Variants in BAG6 observed in about 807,000 individuals in gnomAD.
The protein encoded by BAG6 is large proline-rich protein BAG6.
BAG6 carries 22 observed loss-of-function variants against 121.0 expected under a neutral mutation model. The observed-to-expected ratio is 0.18, with a 90% CI of 0.13 to 0.26. BAG6 has a LOEUF of 0.26. BAG6 is among the 10% of genes least tolerant of loss of function. The pLI, the probability that BAG6 is intolerant of heterozygous loss-of-function variation, is 1.00. For missense variants in BAG6, 1,233 were observed against 1,537.7 expected, an observed-to-expected ratio of 0.80 and a Z score of 3.31; for synonymous variants, 583 against 584.6, an observed-to-expected ratio of 1.00 and a Z score of 0.04.
rs763111364 is a variant in BAG6, at chr6:31,641,167, G to C, written c.2724C>G (p.Ala908=). Residue 908 remains alanine (A), a synonymous_variant, in exon 20 of 26, where the codon GCC becomes GCG. Transcript: ENST00000676615. This position sits in a 1 kb window ranked among gnomAD's most constrained non-coding sequence, Gnocchi z 5.7. ...GTCCCCCCAAGCAGTGCAGGTTTAG[G>C]GCCAGGCATTCAAACAGGCCTTGGT... ...LCNQGLFECL[A]LNLHCLGGQQ... 7 of 1,613,464 alleles carry C rather than the reference G, an allele frequency of 4.3e-6. No homozygotes were observed. The highest frequency in any genetic ancestry group is 5.9e-6 in the Non-Finnish European group (7 of 1,180,036).
In BAG6 at chr6:31,645,463, G is replaced by C. The variant is rs1329235757; in HGVS notation, c.1060C>G (p.Pro354Ala). ...ATGGGGGTGGTGTAGTGAGACATAGGCCGGACCACATGCAGGTGTCGTGGG... is the reference window on the plus strand; with the variant it reads ...ATGGGGGTGGTGTAGTGAGACATAGCCCGGACCACATGCAGGTGTCGTGGG... Reference protein sequence around the residue: ...TPPRHLHVVRPMSHYTTPMVL... With the variant: ...TPPRHLHVVRAMSHYTTPMVL... The change falls in exon 9 of 26, where the codon CCT (proline) becomes GCT (alanine). Residue 354 changes from proline (P) to alanine (A), a missense_variant. By Grantham distance (27) the Pro-to-Ala change is conservative. Transcript: ENST00000676615. The C allele has an allele frequency of 6.2e-7, 1 of 1,613,070 alleles. No homozygotes were observed. The highest frequency in any genetic ancestry group is 8.5e-7 in the Non-Finnish European group (1 of 1,180,012).
intron 14 of BAG6, 151 bp downstream of exon 14, chr6:31,643,739 A>AAAAAAAAAGC (rs1785477308): frequency 1.8e-6 from 1 of 547,778 alleles, no homozygotes; most frequent in African/African-American, 2.0e-5. Flanking sequence ...AAAAAAAAAA[A>AAAAAAAAAGC]AAAAAAAGCT....
intron 25 of BAG6, 117 bp downstream of exon 25, chr6:31,639,383 G>A: frequency 6.6e-7 from 1 of 1,512,446 alleles, no homozygotes; most frequent in Non-Finnish European, 9.0e-7. Flanking sequence ...AGATGCCAAA[G>A]GGGAAAACAA....
At chr6:31,646,657 G>A (rs1196071666) in intron 7 of BAG6, 134 bp from the exon 8 acceptor site, 28 of 1,168,660 alleles carry the variant, frequency 2.4e-5, no homozygotes, top group Non-Finnish European at 3.2e-5. Flanking sequence ...TGGACCAGCA[G>A]AGCTTCTATT....
chr6:31,639,623 C>G lies in BAG6; in HGVS notation c.3270G>C (p.Gln1090His). The stretch of plus-strand genomic sequence containing the variant: ...GGCTCACAGCCTCTGAGAGAAGCAG[C>G]TGGGGGCCCTCACCCTGCATCGTCT... ...RRKTMQGEGP[Q>H]LLLSEAVSRA... The change falls in exon 25 of 26, where the codon CAG becomes CAC. Residue 1090 changes from glutamine (Q) to histidine (H), a missense_variant. Physicochemically the swap from Gln to His is conservative, Grantham distance 24 (BLOSUM62 0). Transcript: ENST00000676615. The G allele has an allele frequency of 6.2e-7, 1 of 1,612,768 alleles. No homozygotes were observed. The highest frequency in any genetic ancestry group is 8.5e-7 in the Non-Finnish European group (1 of 1,179,216).
intron 6 of BAG6, 105 bp downstream of exon 6, chr6:31,648,572 G>C (rs746486959): frequency 2.9e-4 from 321 of 1,116,496 alleles, no homozygotes; most frequent in Non-Finnish European, 4.0e-4. Flanking sequence ...ACTAGATTAT[G>C]AAGGCCAAAC....
chr6:31,648,587 T>A (rs1192178776), intron 6 of BAG6, 90 bp downstream of exon 6: 1 of 1,277,402 alleles, frequency 7.8e-7, no homozygotes, highest in African/African-American at 1.5e-5. Context: ...CCAAACCCTG[T>A]GGATGTGGCC....
intron 1 of BAG6, 82 bp from the exon 2 acceptor site, chr6:31,651,858 C>T: frequency 1.0e-6 from 1 of 999,638 alleles, no homozygotes; most frequent in African/African-American, 1.6e-5. Flanking sequence ...TAATCCCTGC[C>T]CCAATACCTA....
At position 31,645,089 on chromosome 6, in the gene BAG6, G is replaced by A. The variant is rs561654276; in HGVS notation, c.1226C>T (p.Pro409Leu). The change falls in exon 10 of 26, where the codon CCG becomes CTG. Residue 409 changes from proline (P) to leucine (L), a missense_variant. Physicochemically the swap from Pro to Leu is moderately conservative, Grantham distance 98. Around this residue, in one of 7 missense-constraint regions of BAG6, gnomAD observed 777 missense variants for 861.4 expected, o/e 0.90. Coordinates refer to ENST00000676615, the MANE Select transcript of BAG6 (RefSeq NM_001387994.1). ...TGAGGACTCGACATTGGTAGAAGACGGAGCCACGGATGAGGCCTGCCCAGG... is the reference window on the plus strand; with the variant it reads ...TGAGGACTCGACATTGGTAGAAGACAGAGCCACGGATGAGGCCTGCCCAGG... Reference protein sequence around the residue: ...PGPGQASSVAPSSTNVESSAE... With the variant: ...PGPGQASSVALSSTNVESSAE... The A allele has an allele frequency of 2.5e-5, 41 of 1,613,000 alleles. No homozygotes were observed. Among genetic ancestry groups the A allele is most frequent in the South Asian group, 2.1e-4 (19 of 91,080 alleles).
Position 31,651,663 on chromosome 6 carries a change from C to T in BAG6, c.101G>A (p.Gly34Glu). The T allele has an allele frequency of 6.2e-7, 1 of 1,613,020 alleles. No homozygotes were observed. The highest frequency in any genetic ancestry group is 1.3e-5 in the African/African-American group (1 of 75,040). The change falls in exon 2 of 26, where the codon GGG becomes GAG. Residue 34 changes from glycine to glutamate, a missense_variant. Physicochemically the swap from Gly to Glu is moderately conservative, Grantham distance 98. Transcript: ENST00000676615. ...ACTAGTGAGGTGTCTCACCTGGGCC[C>T]CCACAATAAAGGTACGAGTTTGAGA... The part of the protein sequence containing the change: ...LDSQTRTFIV[G>E]AQMNVKEFKE...
Position 31,649,149 on chromosome 6 carries a change from C to T in BAG6, c.423+50G>A, listed in dbSNP as rs757444271. ...TATCTTATTAATTCCCTGGTGCTAC[C>T]ACAACCAAAGCTACCCACAAAAGCC... On this transcript the variant is annotated intron_variant, in intron 4 of 25. Coordinates refer to ENST00000676615, the MANE Select transcript of BAG6 (RefSeq NM_001387994.1). 18 of 1,604,802 alleles carry T rather than the reference C, an allele frequency of 1.1e-5. No individual in the cohort carries two copies. In the South Asian group the frequency reaches 1.9e-4, roughly 17 times the overall value.
Position 31,649,547 on chromosome 6 carries a change from T to C in BAG6, c.189A>G (p.Gly63=). 3 of 1,614,156 alleles carry C rather than the reference T, an allele frequency of 1.9e-6. No homozygotes were observed. The highest frequency in any genetic ancestry group is 2.5e-6 in the Non-Finnish European group (3 of 1,180,028). ...PSEKQRLIYQ[G]RVLQDDKKLQ... ...GCTTCTTATCATCTTGCAGAACTCG[T>C]CCCTGGTAAATGAGCCGTTGTTTTT... is the stretch of plus-strand genomic sequence containing the variant. The change falls in exon 3 of 26, where the codon GGA becomes GGG. Residue 63 remains glycine, a synonymous_variant. Coordinates refer to ENST00000676615, the MANE Select transcript of BAG6 (RefSeq NM_001387994.1).
chr6:31,647,456 C>G, intron 7 of BAG6, 135 bp downstream of exon 7: 1 of 1,322,282 alleles, frequency 7.6e-7, no homozygotes, highest in Non-Finnish European at 1.0e-6. Context: ...GAGAGAGCCC[C>G]TCCTCGCCCC....
rs116719690 is a variant in BAG6 at position 31,645,746 on chromosome 6, A to T, written c.919-142T>A. 9,005 of 940,118 alleles carry T rather than the reference A, an allele frequency of 9.6e-3. 423 individuals are homozygous for T. Among genetic ancestry groups the T allele is most frequent in the South Asian group, 0.092 (6,337 of 68,758 alleles). The allele number at this position is 940,118 out of a possible 1,614,324, so 58.2% of individuals were successfully genotyped here. On this transcript the variant is annotated intron_variant, in intron 8 of 25. Coordinates refer to ENST00000676615, the MANE Select transcript of BAG6 (RefSeq NM_001387994.1). ...TCCTTGGAAGTTTACATGTAGACCA[A>T]ATCTTTGCAAATAAATTATATCTTA...
chr6:31,644,406 G>T lies in BAG6; in HGVS notation c.1456C>A (p.Leu486Ile). 1 of 1,552,216 alleles carries T rather than the reference G, an allele frequency of 6.4e-7. No homozygotes were observed. Among genetic ancestry groups the T allele is most frequent in the South Asian group, 1.2e-5 (1 of 84,122 alleles). The part of the protein sequence containing the change: ...PGHGQTLGST[L>I]IQLPSLPPEF... Reference sequence around the variant, plus strand: ...GGGGGCAGGGAGGGCAGCTGGATGAGGGTGGAGCCTGGGGGGCGGGTCTGA... The same window carrying T: ...GGGGGCAGGGAGGGCAGCTGGATGATGGTGGAGCCTGGGGGGCGGGTCTGA... The change falls in exon 12 of 26, where the codon CTC becomes ATC. Residue 486 changes from leucine (L) to isoleucine (I), a missense_variant. Physicochemically the swap from Leu to Ile is conservative, Grantham distance 5. Transcript: ENST00000676615. This position sits in a 1 kb window ranked among gnomAD's most constrained non-coding sequence, Gnocchi z 4.9.
chr6:31,646,620 TC>T (rs1789621995), intron 7 of BAG6, 97 bp from the exon 8 acceptor site: 5 of 1,500,452 alleles, frequency 3.3e-6, no homozygotes, highest in Non-Finnish European at 3.6e-6. Flanking sequence ...CTCCCTGGTC[TC>T]CCAGAGCCCT....
chr6:31,646,323 T>C (rs1789150197), intron 8 of BAG6, 71 bp downstream of exon 8: 8 of 1,558,622 alleles, frequency 5.1e-6, no homozygotes, highest in Admixed American at 1.9e-5. Flanking sequence ...AAGAGTTATC[T>C]GCATTTCAGC....
intron 8 of BAG6, among the ~76,000 whole-genome samples, chr6:31,645,987 T>C (rs759591744): frequency 1.3e-5 from 2 of 152,146 alleles, no homozygotes; most frequent in East Asian, 1.9e-4. Flanking sequence ...GTGTGTTTTT[T>C]TGTTTTGTTT....
chr6:31,641,827 G>A lies in BAG6; in HGVS notation c.2454C>T (p.Phe818=). ...LQRLQPQLRS[F]FHQHYLGGQE... is the part of the protein sequence containing the mutation. ...GACCACCCAGGTAGTGCTGGTGGAA[G>A]AAGGATCGCAGCTGGGGCTGGAGCC... Residue 818 remains phenylalanine (F), a synonymous_variant, in exon 17 of 26, where the codon TTC becomes TTT. Transcript: ENST00000676615. This position sits in a 1 kb window ranked among gnomAD's most constrained non-coding sequence, Gnocchi z 5.7. The A allele has an allele frequency of 6.2e-7, 1 of 1,613,132 alleles. No individual in the cohort carries two copies. Among genetic ancestry groups the A allele is most frequent in the South Asian group, 1.1e-5 (1 of 91,088 alleles).
Sources: gnomAD v4.1 joint callset for allele counts (sites outside exome capture counted in the v4.1 genomes callset) on GRCh38, gnomAD v4.1.1 for gene constraint, gnomAD v4.1.1 regional missense constraint, Gnocchi (gnomAD v3.1) non-coding constraint, MANE v1.5 for transcripts, NCBI Gene and HGNC (gene_info 2026-07-23, HGNC 2026-07-21) for gene names.